The following SESTD1 variants were observed in gnomAD, a reference collection of about 807,000 sequenced individuals.
SESTD1 encodes SEC14 and spectrin domain containing 1, also known as SEC14 domain and spectrin repeat-containing protein 1.
A neutral mutation model predicts 101.7 loss-of-function variants in SESTD1; 43 were observed. That is an observed-to-expected ratio of 0.42 (90% CI 0.33 to 0.55). The LOEUF is 0.55. Among genes scored for constraint, SESTD1 ranks in the 20% least tolerant of loss-of-function variants. SESTD1 has a pLI of 0.07. For synonymous variants in SESTD1, 283 were observed against 286.8 expected, an observed-to-expected ratio of 0.99 and a Z score of 0.13; for missense variants, 647 against 815.1, an observed-to-expected ratio of 0.79 and a Z score of 2.51.
chr2:179,168,396 AG>A (rs1348446147), intron 5 of SESTD1, among the ~76,000 whole-genome samples: 9 of 152,226 alleles, frequency 5.9e-5, no homozygotes, highest in Admixed American at 1.3e-4. Flanking sequence ...GGTCAATAGT[AG>A]GCTATTAGCA....
chr2:179,237,798 C>T (rs1488192271), intron 1 of SESTD1, among the ~76,000 whole-genome samples: 2 of 152,152 alleles, frequency 1.3e-5, no homozygotes, highest in Non-Finnish European at 2.9e-5. Flanking sequence ...TCATCAGAGA[C>T]TCCATGGGAG....
rs1305997382 is a variant in SESTD1 at position 179,106,936 on chromosome 2, A to C, written c.*2963T>G. ...CTTACACAGGAGCAAACAAATGATAAAAGAAAAAAAAAATCCTCAAACAAA... is the reference window on the plus strand; with the variant it reads ...CTTACACAGGAGCAAACAAATGATACAAGAAAAAAAAAATCCTCAAACAAA... On this transcript the variant is annotated 3_prime_UTR_variant, in exon 18 of 18. Coordinates refer to ENST00000428443, the MANE Select transcript of SESTD1 (RefSeq NM_178123.5). 6.6e-6 allele frequency: 1 copy of C among 152,054 alleles called. No individual in the cohort carries two copies. The highest frequency in any genetic ancestry group is 1.5e-5 in the Non-Finnish European group (1 of 68,012). The allele number at this position is 152,054 out of a possible 1,614,324, so 9.4% of individuals were successfully genotyped here.
rs747685897 is a variant in SESTD1, at chr2:179,130,591, A to G, written c.972+1713T>C. ...GTACAGTACAGTATGTATACAATCCAATTTCTAACTGTAATTATTTATCTT... is the reference window on the plus strand; with the variant it reads ...GTACAGTACAGTATGTATACAATCCGATTTCTAACTGTAATTATTTATCTT... On this transcript the variant is annotated intron_variant, in intron 10 of 17. Coordinates refer to ENST00000428443, the MANE Select transcript of SESTD1 (RefSeq NM_178123.5). 2.8e-4 allele frequency among the ~76,000 whole-genome samples: 42 copies of G among 152,140 alleles called. 1 individual carries two copies. Among genetic ancestry groups the G allele is most frequent in the East Asian group, 7.7e-4 (4 of 5,186 alleles).
At chr2:179,164,947 T>A (rs1253393023) in intron 5 of SESTD1, among the ~76,000 whole-genome samples, 2 of 152,212 alleles carry the variant, frequency 1.3e-5, no homozygotes, top group East Asian at 1.9e-4. Flanking sequence ...AATATTTTTT[T>A]AAATATTTAC....
At chr2:179,200,495 G>A (rs1296277549) in intron 1 of SESTD1, among the ~76,000 whole-genome samples, 1 of 151,960 alleles carries the variant, frequency 6.6e-6, no homozygotes, top group Non-Finnish European at 1.5e-5. Context: ...CAAAGCTGGA[G>A]GCATCACATT....
chr2:179,132,327 C>T lies in SESTD1; in HGVS notation c.949G>A (p.Glu317Lys). 5 of 1,556,464 alleles carry T rather than the reference C, an allele frequency of 3.2e-6. No individual in the cohort carries two copies. ...ACACTGTGCTGGCTCTCAATCTCTT[C>T]GTGTTTCTGCTGTAGGGCCTGGGAG... is the stretch of plus-strand genomic sequence containing the variant. ...RASQALQQKH[E>K]EIESQHSEWF... is the part of the protein sequence containing the mutation. The change falls in exon 10 of 18, where the codon GAA becomes AAA. Residue 317 changes from glutamate to lysine, a missense_variant. Around this residue, in one of 3 missense-constraint regions of SESTD1, gnomAD observed 476 missense variants for 562.6 expected, o/e 0.85. Transcript: ENST00000428443.
chr2:179,224,531 GA>G (rs2046856460), intron 1 of SESTD1, among the ~76,000 whole-genome samples: 1 of 152,278 alleles, frequency 6.6e-6, no homozygotes, highest in African/African-American at 2.4e-5. Context: ...GTATGCTAAT[GA>G]AATGACTGAT....
chr2:179,121,728 T>C, intron 13 of SESTD1, 42 bp downstream of exon 13: 2 of 1,487,246 alleles, frequency 1.3e-6, no homozygotes. Flanking sequence ...TAACTAATAT[T>C]GTTATTATTT....
chr2:179,236,383 G>A (rs993940735), intron 1 of SESTD1, among the ~76,000 whole-genome samples: 8 of 147,006 alleles, frequency 5.4e-5, no homozygotes, highest in South Asian at 2.2e-4. Flanking sequence ...TACAGCCCTA[G>A]CTACTTGCGA....
intron 1 of SESTD1, among the ~76,000 whole-genome samples, chr2:179,220,057 A>C (rs2105525606): frequency 6.6e-6 from 1 of 152,176 alleles, no homozygotes; most frequent in African/African-American, 2.4e-5. Flanking sequence ...CTACATTAAG[A>C]AGTCTAGTGG....
chr2:179,242,712 A>G (rs1025276329), intron 1 of SESTD1, among the ~76,000 whole-genome samples: 4 of 152,318 alleles, frequency 2.6e-5, no homozygotes, highest in Middle Eastern at 3.4e-3. Flanking sequence ...AGGACTCCCT[A>G]TTCAAATAAA....
chr2:179,132,513 T>G, intron 9 of SESTD1, 87 bp from the exon 10 acceptor site: 1 of 1,432,736 alleles, frequency 7.0e-7, no homozygotes, highest in Non-Finnish European at 9.4e-7. Flanking sequence ...CTCCCAAAGT[T>G]CCCCAATTAT....
At chr2:179,197,209 G>C (rs907103255) in intron 1 of SESTD1, among the ~76,000 whole-genome samples, 11 of 152,010 alleles carry the variant, frequency 7.2e-5, no homozygotes, top group African/African-American at 2.2e-4. Context: ...AAGGGTATCA[G>C]CTATGGAAAA....
At chr2:179,226,711 A>G (rs547283677) in intron 1 of SESTD1, among the ~76,000 whole-genome samples, 27 of 152,348 alleles carry the variant, frequency 1.8e-4, no homozygotes, top group African/African-American at 6.5e-4. Flanking sequence ...CCCAAATTTA[A>G]TAACAATCTA....
In SESTD1 at chr2:179,103,482, A is replaced by C. The variant is rs1247328446; in HGVS notation, c.*6417T>G. 1.3e-5 allele frequency: 2 copies of C among 152,122 alleles called. No individual in the cohort carries two copies. Among genetic ancestry groups the C allele is most frequent in the African/African-American group, 4.8e-5 (2 of 41,424 alleles). 9.4% of individuals were successfully genotyped at this position (152,122 alleles called of 1,614,324 possible). A position where few individuals can be genotyped will look rare whatever the true frequency, so the allele number is the denominator to read the frequency against. On this transcript the variant is annotated 3_prime_UTR_variant, in exon 18 of 18. Transcript: ENST00000428443. ...AACCTATGTTCACAAAGACTTACGT[A>C]AGAATGGTCATAGCAGCTTTATTTA...
intron 3 of SESTD1, 38 bp downstream of exon 3, chr2:179,183,042 A>G (rs763613081): frequency 1.6e-5 from 22 of 1,373,172 alleles, no homozygotes; most frequent in South Asian, 2.7e-5. Flanking sequence ...CTGAATGAAA[A>G]CATACTGAGA....
chr2:179,226,565 T>C (rs905704762), intron 1 of SESTD1, among the ~76,000 whole-genome samples: 7 of 152,180 alleles, frequency 4.6e-5, no homozygotes, highest in Non-Finnish European at 1.0e-4. Flanking sequence ...CACGCTGATA[T>C]GTGCATAGAA....
At chr2:179,209,418 T>C (rs1214360317) in intron 1 of SESTD1, among the ~76,000 whole-genome samples, 1 of 134,574 alleles carries the variant, frequency 7.4e-6, no homozygotes, top group Non-Finnish European at 1.6e-5. Flanking sequence ...ATGAAGAATA[T>C]AGATTCTTTT....
intron 1 of SESTD1, among the ~76,000 whole-genome samples, chr2:179,234,437 A>G (rs140094809): frequency 6.6e-6 from 1 of 152,322 alleles, no homozygotes; most frequent in East Asian, 1.9e-4. Flanking sequence ...TCAAGGCTGG[A>G]TAAGGTAAGT....
Sources: gnomAD v4.1 joint callset for allele counts (sites outside exome capture counted in the v4.1 genomes callset) on GRCh38, gnomAD v4.1.1 for gene constraint, gnomAD v4.1.1 regional missense constraint, MANE v1.5 for transcripts, NCBI Gene and HGNC (gene_info 2026-07-23, HGNC 2026-07-21) for gene names.